OXR1: variants seen among roughly 807,000 people sequenced by gnomAD.
OXR1 encodes oxidation resistance protein 1.
Under a neutral mutation model 104.6 loss-of-function variants are expected in OXR1, and 41 were observed. The observed-to-expected ratio is 0.39, with a 90% CI of 0.31 to 0.51. The LOEUF (loss-of-function observed/expected upper bound fraction) is 0.51. Among genes scored for constraint, OXR1 ranks in the 20% least tolerant of loss-of-function variants. OXR1 has a pLI of 0.77. For missense variants in OXR1, 955 were observed against 1,031.9 expected, an observed-to-expected ratio of 0.93 and a Z score of 1.02; for synonymous variants, 348 against 348.4, an observed-to-expected ratio of 1.00 and a Z score of 0.01.
intron 1 of OXR1, among the ~76,000 whole-genome samples, chr8:106,275,034 C>A (rs1811979459): frequency 6.6e-6 from 1 of 152,228 alleles, no homozygotes; most frequent in South Asian, 2.1e-4. Flanking sequence ...CCAGATATAT[C>A]TCTAAAAGTA....
chr8:106,660,783 C>T (rs750476152), intron 3 of OXR1, among the ~76,000 whole-genome samples: 1 of 152,078 alleles, frequency 6.6e-6, no homozygotes, highest in African/African-American at 2.4e-5. Context: ...GAGGCCGAGA[C>T]GGGCGGATCA....
chr8:106,362,755 G>C (rs1007992721), intron 2 of OXR1, among the ~76,000 whole-genome samples: 2 of 152,220 alleles, frequency 1.3e-5, no homozygotes, highest in Non-Finnish European at 2.9e-5. Flanking sequence ...ATAAGTGACA[G>C]GTTCCAGGCT....
chr8:106,628,398 C>T (rs1349922987), intron 3 of OXR1, among the ~76,000 whole-genome samples: 1 of 152,034 alleles, frequency 6.6e-6, no homozygotes, highest in African/African-American at 2.4e-5. Flanking sequence ...CTTTTATAAA[C>T]TCCATTTTAT....
At chr8:106,710,148 A>T (rs1831550804) in intron 9 of OXR1, among the ~76,000 whole-genome samples, 1 of 152,144 alleles carries the variant, frequency 6.6e-6, no homozygotes, top group Non-Finnish European at 1.5e-5. Flanking sequence ...TGACTGTTTT[A>T]TTACAATTTT....
chr8:106,466,505 T>C (rs538220050), intron 2 of OXR1, among the ~76,000 whole-genome samples: 15 of 152,038 alleles, frequency 9.9e-5, no homozygotes, highest in African/African-American at 3.1e-4. Context: ...ATGGTTATCT[T>C]TGGATTTTTT....
chr8:106,526,025 A>C (rs1439634728), intron 3 of OXR1, among the ~76,000 whole-genome samples: 3 of 152,222 alleles, frequency 2.0e-5, no homozygotes, highest in Non-Finnish European at 2.9e-5. Context: ...GCCAGCCCTC[A>C]GGTGCTTATA....
rs1222106529 is a variant in OXR1 at position 106,359,651 on chromosome 8, T to A, written c.23+15T>A. 2 of 1,533,104 alleles carry A rather than the reference T, an allele frequency of 1.3e-6. No individual in the cohort carries two copies. Among genetic ancestry groups the A allele is most frequent in the Non-Finnish European group, 1.8e-6 (2 of 1,129,952 alleles). 95.0% of individuals were successfully genotyped at this position (1,533,104 alleles called of 1,614,324 possible). On this transcript the variant is annotated intron_variant, in intron 2 of 16. Transcript: ENST00000517566. Reference sequence around the variant, plus strand: ...AATCTATCATGGTGAGTGAATGGTTTTCTTGCCTTAAATGTAAATGAAAAT... The same window carrying A: ...AATCTATCATGGTGAGTGAATGGTTATCTTGCCTTAAATGTAAATGAAAAT...
chr8:106,435,654 AAGTG>A (rs962259575), intron 2 of OXR1, among the ~76,000 whole-genome samples: 1 of 152,192 alleles, frequency 6.6e-6, no homozygotes, highest in African/African-American at 2.4e-5. Flanking sequence ...AAACTGTGGA[AAGTG>A]GGTACGTTTT....
intron 7 of OXR1, chr8:106,697,920 G>C: frequency 1.2e-6 from 2 of 1,612,254 alleles, no homozygotes; most frequent in Non-Finnish European, 1.7e-6. Flanking sequence ...TGATCCACTG[G>C]ATCAGGATCT....
chr8:106,445,219 G>A lies in OXR1; in HGVS notation c.24-73724G>A, dbSNP rs560492491. On this transcript the variant is annotated intron_variant, in intron 2 of 16. Transcript: ENST00000517566. ...ATTTTATTTCTAGTATAACCTCATG[G>A]ACTAGTGATACGTTTGCAGTCATTT... 3.9e-5 allele frequency among the ~76,000 whole-genome samples: 6 copies of A among 152,248 alleles called. No individual in the cohort carries two copies. The East Asian group carries it at 1.2e-3, about 29-fold the overall frequency.
intron 7 of OXR1, among the ~76,000 whole-genome samples, chr8:106,698,482 C>T (rs893732194): frequency 2.0e-5 from 3 of 152,076 alleles, no homozygotes; most frequent in African/African-American, 7.2e-5. Context: ...TATTTTTTGC[C>T]TCCCATCCTC....
intron 2 of OXR1, among the ~76,000 whole-genome samples, chr8:106,431,831 T>C (rs1485131591): frequency 6.6e-6 from 1 of 152,188 alleles, no homozygotes; most frequent in Non-Finnish European, 1.5e-5. Flanking sequence ...AAAACCAGAA[T>C]ATTACAAAGG....
chr8:106,294,369 T>G (rs866549544), intron 1 of OXR1, among the ~76,000 whole-genome samples: 16 of 135,854 alleles, frequency 1.2e-4, no homozygotes, highest in African/African-American at 4.2e-4. Flanking sequence ...GCACTCCAAC[T>G]TGGGCGACAG....
intron 1 of OXR1, among the ~76,000 whole-genome samples, chr8:106,336,980 T>G (rs1814992795): frequency 6.6e-6 from 1 of 152,244 alleles, no homozygotes; most frequent in South Asian, 2.1e-4. Context: ...TAAATAAAAC[T>G]GTACTTATAT....
chr8:106,697,027 C>T (rs576255013), intron 7 of OXR1, among the ~76,000 whole-genome samples: 1 of 152,288 alleles, frequency 6.6e-6, no homozygotes, highest in Non-Finnish European at 1.5e-5. Context: ...CAAGGCCAGT[C>T]CAGCATCAGA....
At chr8:106,671,702 G>A (rs909031962) in intron 3 of OXR1, among the ~76,000 whole-genome samples, 2 of 151,266 alleles carry the variant, frequency 1.3e-5, no homozygotes, top group African/African-American at 4.9e-5. Context: ...ATCATTCTCA[G>A]CAAACTATCA....
At chr8:106,571,129 C>A (rs901865993) in intron 3 of OXR1, among the ~76,000 whole-genome samples, 3 of 151,142 alleles carry the variant, frequency 2.0e-5, no homozygotes, top group African/African-American at 7.3e-5. Context: ...AGGCAGATAT[C>A]CACCAAGGTA....
intron 2 of OXR1, among the ~76,000 whole-genome samples, chr8:106,482,646 A>G (rs916208563): frequency 6.6e-6 from 1 of 152,084 alleles, no homozygotes; most frequent in Non-Finnish European, 1.5e-5. Context: ...CTGTATTGAC[A>G]CAACAATATC....
intron 2 of OXR1, among the ~76,000 whole-genome samples, chr8:106,374,509 GT>G (rs1816833996): frequency 6.6e-6 from 1 of 152,126 alleles, no homozygotes; most frequent in African/African-American, 2.4e-5. Flanking sequence ...GCCTTTGAAT[GT>G]GTTTTAATTT....
Sources: gnomAD v4.1 joint callset for allele counts (sites outside exome capture counted in the v4.1 genomes callset) on GRCh38, gnomAD v4.1.1 for gene constraint, MANE v1.5 for transcripts, NCBI Gene and HGNC (gene_info 2026-07-23, HGNC 2026-07-21) for gene names.